UQCC1: variants seen among roughly 807,000 people sequenced by gnomAD.
The protein encoded by UQCC1 is bFGF-repressed Zic-binding protein.
Under a neutral mutation model 48.0 loss-of-function variants are expected in UQCC1, and 38 were observed. That is an observed-to-expected ratio of 0.79 (90% CI 0.61 to 1.04). The LOEUF is 1.04. Ranked by LOEUF, UQCC1 falls within the 50% of genes least tolerant of loss-of-function variation. The probability of loss-of-function intolerance (pLI) is 0.00; values close to 1 mark genes in which losing one functional copy is unlikely to be tolerated. For missense variants in UQCC1, 368 were observed against 381.8 expected (o/e 0.96, Z 0.30); for synonymous variants, 111 against 129.2 (o/e 0.86, Z 0.95).
At chr20:35,396,733 T>G (rs1418314826) in intron 1 of UQCC1, among the ~76,000 whole-genome samples, 1 of 152,198 alleles carries the variant, frequency 6.6e-6, no homozygotes, top group African/African-American at 2.4e-5. Context: ...AGTGAGAGGC[T>G]AGGCTGGAGA....
intron 7 of UQCC1, among the ~76,000 whole-genome samples, chr20:35,336,193 G>A (rs2061314858): frequency 6.6e-6 from 1 of 152,240 alleles, no homozygotes; most frequent in Non-Finnish European, 1.5e-5. Flanking sequence ...ACAGGCTCTA[G>A]AGTCCAGAAG....
At chr20:35,348,827 A>AT (rs1010020801) in intron 6 of UQCC1, among the ~76,000 whole-genome samples, 6 of 151,908 alleles carry the variant, frequency 3.9e-5, no homozygotes, top group African/African-American at 7.3e-5. Flanking sequence ...CTAATTTTTT[A>AT]TTTTTTTGTA....
rs2062099021 is a variant in UQCC1, at chr20:35,397,524, A to G, written c.25-3328T>C. Among the ~76,000 whole-genome samples the G allele has an allele frequency of 2.0e-5, 3 of 151,822 alleles. No homozygotes were observed. In the South Asian group the frequency reaches 6.2e-4, roughly 31 times the overall value. ...GAGCGAGACTGTCTCAAAAAAAAAA[A>G]AAAAGAAAAAAGAAAAAAAAATCAG... On this transcript the variant is annotated intron_variant, in intron 1 of 9. Coordinates refer to ENST00000374385, the MANE Select transcript of UQCC1 (RefSeq NM_018244.5).
rs540560751 is a variant in UQCC1 at position 35,318,182 on chromosome 20, A to T, written c.574-3417T>A. On this transcript the variant is annotated intron_variant, in intron 7 of 9. Coordinates refer to ENST00000374385, the MANE Select transcript of UQCC1 (RefSeq NM_018244.5). ...CTGCCTAGCAGAGCTAGTTTATGTC[A>T]TGTATCACACCATTAAGCTTTGGAG... Among the ~76,000 whole-genome samples the T allele has an allele frequency of 4.6e-5, 7 of 152,326 alleles. No individual in the cohort carries two copies. In the East Asian group the frequency reaches 1.3e-3, roughly 29 times the overall value.
chr20:35,356,716 G>A (rs983712903), intron 6 of UQCC1, among the ~76,000 whole-genome samples: 2 of 152,128 alleles, frequency 1.3e-5, no homozygotes, highest in African/African-American at 2.4e-5. Context: ...AGAGTCCTAC[G>A]AAGGTTTTTG....
At chr20:35,402,638 T>C (rs546274223) in intron 1 of UQCC1, among the ~76,000 whole-genome samples, 23 of 148,850 alleles carry the variant, frequency 1.5e-4, no homozygotes, top group African/African-American at 5.4e-4. Flanking sequence ...ATATAATATA[T>C]ATAAATTAGC....
chr20:35,347,094 C>G (rs1171815519), intron 7 of UQCC1, 70 bp downstream of exon 7: 2 of 1,614,026 alleles, frequency 1.2e-6, no homozygotes, highest in Non-Finnish European at 1.7e-6. Flanking sequence ...CATTTTACAA[C>G]AGATAAAACT....
intron 6 of UQCC1, among the ~76,000 whole-genome samples, 153 bp from the exon 7 acceptor site, chr20:35,347,425 A>G (rs2061443918): frequency 6.6e-6 from 1 of 152,134 alleles, no homozygotes. Flanking sequence ...TTACTGAGAT[A>G]TAACAAAGAT....
At chr20:35,364,429 C>A (rs562611894) in intron 6 of UQCC1, among the ~76,000 whole-genome samples, 1 of 152,316 alleles carries the variant, frequency 6.6e-6, no homozygotes, top group South Asian at 2.1e-4. Flanking sequence ...GACACAGAGT[C>A]TGTATCTGAT....
intron 1 of UQCC1, among the ~76,000 whole-genome samples, chr20:35,407,823 G>T (rs1176844668): frequency 6.6e-6 from 1 of 152,178 alleles, no homozygotes; most frequent in African/African-American, 2.4e-5. Context: ...GGGAGTTTGA[G>T]ACCATCCTGA....
chr20:35,379,470 G>A (rs1336471332), intron 4 of UQCC1, among the ~76,000 whole-genome samples: 1 of 152,186 alleles, frequency 6.6e-6, no homozygotes, highest in Non-Finnish European at 1.5e-5. Context: ...AATTACACTA[G>A]AATGTCATAC....
chr20:35,382,941 G>C (rs899430438), intron 3 of UQCC1, among the ~76,000 whole-genome samples: 1 of 152,078 alleles, frequency 6.6e-6, no homozygotes, highest in Non-Finnish European at 1.5e-5. Flanking sequence ...CCCATATCTA[G>C]CAGATGACAG....
Position 35,303,718 on chromosome 20 carries a change from C to T in UQCC1, c.*217G>A, listed in dbSNP as rs975090798. ...GGGGCTTCCCCTAAGGGAGAGGACA[C>T]CCCGGGAGAGCTAGGGGTTCTCCCA... is the stretch of plus-strand genomic sequence containing the variant. On this transcript the variant is annotated 3_prime_UTR_variant, in exon 10 of 10. Coordinates refer to ENST00000374385, the MANE Select transcript of UQCC1 (RefSeq NM_018244.5). 12 of 620,144 alleles carry T rather than the reference C, an allele frequency of 1.9e-5. No homozygotes were observed. In the Admixed American group the frequency reaches 3.0e-4, roughly 15 times the overall value. 38.4% of individuals were successfully genotyped at this position (620,144 alleles called of 1,614,324 possible).
intron 7 of UQCC1, among the ~76,000 whole-genome samples, chr20:35,333,172 T>G (rs6060375): frequency 1.3e-5 from 2 of 152,142 alleles, no homozygotes; most frequent in African/African-American, 4.8e-5. Context: ...TGTGACTTAC[T>G]ATGGCGGCCA....
intron 6 of UQCC1, among the ~76,000 whole-genome samples, chr20:35,362,121 C>T (rs557340898): frequency 6.6e-6 from 1 of 152,244 alleles, no homozygotes; most frequent in East Asian, 1.9e-4. Context: ...AGAGATAATA[C>T]CTGAATTGGA....
intron 7 of UQCC1, among the ~76,000 whole-genome samples, chr20:35,338,933 AC>A (rs1196770806): frequency 1.5e-5 from 2 of 130,698 alleles, no homozygotes; most frequent in African/African-American, 6.2e-5. Context: ...AAATGCATAT[AC>A]CTGAGCCTCT....
At chr20:35,405,455 C>A (rs1411634484) in intron 1 of UQCC1, among the ~76,000 whole-genome samples, 1 of 152,068 alleles carries the variant, frequency 6.6e-6, no homozygotes, top group African/African-American at 2.4e-5. Context: ...TGCAAAGAAA[C>A]AATAAAGTAT....
intron 7 of UQCC1, among the ~76,000 whole-genome samples, chr20:35,339,177 C>T (rs2061350810): frequency 2.0e-5 from 3 of 151,896 alleles, no homozygotes. Context: ...ATTTGGAATA[C>T]AGGGCTAGCC....
chr20:35,393,687 G>A (rs1320866513), intron 2 of UQCC1, among the ~76,000 whole-genome samples: 1 of 151,898 alleles, frequency 6.6e-6, no homozygotes, highest in Non-Finnish European at 1.5e-5. Flanking sequence ...ATGATTAGGT[G>A]GTCAATGGTA....
Sources: allele counts gnomAD v4.1 joint callset (sites outside exome capture counted in the v4.1 genomes callset), GRCh38; gene constraint gnomAD v4.1.1; transcripts MANE v1.5; gene names NCBI Gene and HGNC (gene_info 2026-07-23, HGNC 2026-07-21).